PEBP4: variants seen among roughly 807,000 people sequenced by gnomAD.
PEBP4 encodes the protein phosphatidylethanolamine-binding protein 4.
PEBP4 carries 22 observed loss-of-function variants against 23.9 expected under a neutral mutation model. The observed-to-expected ratio is 0.92, with a 90% confidence interval of 0.66 to 1.31. The LOEUF (loss-of-function observed/expected upper bound fraction) is 1.31. Among genes scored for constraint, PEBP4 ranks in the 40% most tolerant of loss-of-function variants. The pLI is 0.00. For synonymous variants in PEBP4, 112 were observed against 99.3 expected, an observed-to-expected ratio of 1.13 and a Z score of -0.76; for missense variants, 324 against 281.7, an observed-to-expected ratio of 1.15 and a Z score of -1.07.
chr8:22,726,603 G>A (rs1804627210), intron 5 of PEBP4, among the ~76,000 whole-genome samples: 1 of 152,248 alleles, frequency 6.6e-6, no homozygotes, highest in Non-Finnish European at 1.5e-5. Context: ...CAGGCCCTGG[G>A]CTGTAGGCCT....
chr8:22,746,650 C>G (rs957672047), intron 4 of PEBP4, among the ~76,000 whole-genome samples: 2 of 151,972 alleles, frequency 1.3e-5, no homozygotes, highest in Non-Finnish European at 2.9e-5. Flanking sequence ...CCTCTCCTCC[C>G]TCCTCTCTTC....
intron 4 of PEBP4, among the ~76,000 whole-genome samples, chr8:22,733,807 AT>A (rs1804790412): frequency 2.5e-4 from 1 of 4,038 alleles, no homozygotes; most frequent in Non-Finnish European, 8.1e-4. Flanking sequence ...GAGGGTGGGG[AT>A]GGGGGAATTG....
At position 22,753,753 on chromosome 8, in the gene PEBP4, A is replaced by G. The variant is rs181425634; in HGVS notation, c.358-26533T>C. Among the ~76,000 whole-genome samples, 14 of 152,290 alleles carry G rather than the reference A, an allele frequency of 9.2e-5. No homozygotes were observed. The East Asian group carries it at 2.5e-3, about 27-fold the overall frequency. ...CTTTGCCGGGCTGGTGGCCGCCTCA[A>G]CATTGGCTTTGGGATGAATCTCAGG... On this transcript the variant is annotated intron_variant, in intron 4 of 6. Coordinates refer to ENST00000256404, the MANE Select transcript of PEBP4 (RefSeq NM_144962.3).
At chr8:22,848,336 G>A (rs1563236064) in intron 3 of PEBP4, among the ~76,000 whole-genome samples, 1 of 152,182 alleles carries the variant, frequency 6.6e-6, no homozygotes, top group Non-Finnish European at 1.5e-5. Context: ...GGAGGCAGGG[G>A]AGGGTTGTCT....
At chr8:22,787,889 G>A (rs57981867) in intron 4 of PEBP4, among the ~76,000 whole-genome samples, 11,633 of 152,136 alleles carry the variant, frequency 0.076, 1,108 homozygotes, top group African/African-American at 0.23. Flanking sequence ...AAGAAGATCT[G>A]GGCAGATGAA....
chr8:22,713,567 G>A (rs944511498), intron 6 of PEBP4, 31 bp from the exon 7 acceptor site: 19 of 1,613,866 alleles, frequency 1.2e-5, no homozygotes, highest in Middle Eastern at 1.7e-4. Context: ...CAGGGAGGCA[G>A]TGAGAAAGAG....
At chr8:22,915,013 T>C (rs949114354) in intron 3 of PEBP4, among the ~76,000 whole-genome samples, 1 of 152,114 alleles carries the variant, frequency 6.6e-6, no homozygotes, top group Non-Finnish European at 1.5e-5. Context: ...CTCAACCTCA[T>C]TGTTACCCAC....
chr8:22,920,381 C>A, intron 2 of PEBP4, 71 bp from the exon 3 acceptor site: 1 of 1,509,386 alleles, frequency 6.6e-7, no homozygotes, highest in South Asian at 1.2e-5. Context: ...AGGCTTCAGT[C>A]TAGCACTATT....
intron 3 of PEBP4, among the ~76,000 whole-genome samples, chr8:22,899,281 C>T (rs1207000270): frequency 6.6e-6 from 1 of 152,236 alleles, no homozygotes; most frequent in Non-Finnish European, 1.5e-5. Flanking sequence ...ATTTGGCCAT[C>T]ATTGCCTCTT....
At chr8:22,934,270 T>C (rs1809504043) in intron 1 of PEBP4, among the ~76,000 whole-genome samples, 1 of 152,156 alleles carries the variant, frequency 6.6e-6, no homozygotes, top group African/African-American at 2.4e-5. Flanking sequence ...TGTTAGTGGG[T>C]ATATAATAAT....
chr8:22,795,199 G>A (rs1343109732), intron 4 of PEBP4, among the ~76,000 whole-genome samples: 1 of 81,074 alleles, frequency 1.2e-5, no homozygotes, highest in Admixed American at 1.8e-4. Context: ...TTTTTGAGAT[G>A]GAGTCTCGCT....
chr8:22,715,800 CCT>C (rs1048781535), intron 6 of PEBP4, among the ~76,000 whole-genome samples: 24 of 152,354 alleles, frequency 1.6e-4, no homozygotes, highest in Admixed American at 6.5e-4. Flanking sequence ...CCTTACACCC[CCT>C]GTTTCCTGCC....
intron 4 of PEBP4, among the ~76,000 whole-genome samples, chr8:22,767,605 C>CG (rs1156473298): frequency 6.6e-6 from 1 of 151,002 alleles, no homozygotes; most frequent in African/African-American, 2.4e-5. Flanking sequence ...CTCACCTTGC[C>CG]GGGGGTATAT....
At chr8:22,903,741 G>A (rs1341649560) in intron 3 of PEBP4, among the ~76,000 whole-genome samples, 5 of 152,202 alleles carry the variant, frequency 3.3e-5, no homozygotes, top group South Asian at 2.1e-4. Context: ...AGAAGCATTC[G>A]CAAATGGCAG....
intron 3 of PEBP4, among the ~76,000 whole-genome samples, chr8:22,830,873 T>A (rs1344917527): frequency 1.3e-5 from 2 of 152,166 alleles, no homozygotes; most frequent in Non-Finnish European, 2.9e-5. Context: ...CCTAAGCAAT[T>A]TTCTACACTG....
intron 3 of PEBP4, among the ~76,000 whole-genome samples, chr8:22,917,486 G>A (rs192653422): frequency 2.2e-4 from 33 of 152,152 alleles, no homozygotes; most frequent in Admixed American, 2.6e-4. Context: ...CTGTGCCAGC[G>A]CCCCCTGGTG....
At chr8:22,813,131 C>T (rs962028670) in intron 4 of PEBP4, among the ~76,000 whole-genome samples, 1 of 152,182 alleles carries the variant, frequency 6.6e-6, no homozygotes, top group Non-Finnish European at 1.5e-5. Flanking sequence ...AGGAAAAAAC[C>T]TCTAATTATG....
intron 3 of PEBP4, among the ~76,000 whole-genome samples, chr8:22,843,946 C>T (rs1199965078): frequency 1.3e-5 from 2 of 152,176 alleles, no homozygotes; most frequent in African/African-American, 4.8e-5. Flanking sequence ...CTTGGCTTTT[C>T]CATTGCCAGA....
chr8:22,817,086 T>A (rs555189870), intron 4 of PEBP4, among the ~76,000 whole-genome samples: 61 of 152,284 alleles, frequency 4.0e-4, no homozygotes, highest in African/African-American at 1.4e-3. Flanking sequence ...CCTTCACAAT[T>A]ATCGTGATGA....
Sources: allele counts gnomAD v4.1 joint callset (sites outside exome capture counted in the v4.1 genomes callset), GRCh38; gene constraint gnomAD v4.1.1; transcripts MANE v1.5; gene names NCBI Gene and HGNC (gene_info 2026-07-23, HGNC 2026-07-21).